HMCN2: variants seen among roughly 807,000 people sequenced by gnomAD.
HMCN2 encodes hemicentin-2.
A neutral mutation model predicts 377.5 loss-of-function variants in HMCN2; 325 were observed. The observed-to-expected ratio is 0.86, with a 90% confidence interval of 0.79 to 0.94. The LOEUF (loss-of-function observed/expected upper bound fraction) is 0.94, where lower values mean the gene tolerates loss of function less well. HMCN2 is among the 40% of genes least tolerant of loss of function. The pLI is 0.00. For missense variants in HMCN2, 4,543 were observed against 4,725.3 expected, an observed-to-expected ratio of 0.96 and a Z score of 1.13; for synonymous variants, 2,007 against 2,046.8, an observed-to-expected ratio of 0.98 and a Z score of 0.53.
chr9:130,271,882 A>G (rs1202028167), intron 1 of HMCN2, among the ~76,000 whole-genome samples: 1 of 149,438 alleles, frequency 6.7e-6, no homozygotes, highest in African/African-American at 2.4e-5. Flanking sequence ...ATCCGTGTCT[A>G]TATTAAGCTA....
In HMCN2 at chr9:130,407,648, TG is replaced by T; in HGVS notation, c.12632del (p.Cys4211SerfsTer18). On this transcript the variant is annotated frameshift_variant, in exon 83 of 98. Transcript: ENST00000683500. LOFTEE classifies it high-confidence loss of function. ...CAGAGAAGACAGCGGGACCTATGTC[TG>T]CTGGGCGGAGAACAGAGTGGGCCGC... ...VSREDSGTYV[C>X]WAENRVGRTQ... 1 of 1,284,268 alleles carries T rather than the reference TG, an allele frequency of 7.8e-7. No individual in the cohort carries two copies. Among genetic ancestry groups the T allele is most frequent in the Non-Finnish European group, 1.0e-6 (1 of 985,150 alleles). 79.6% of individuals were successfully genotyped at this position (1,284,268 alleles called of 1,614,324 possible). A position where few individuals can be genotyped will look rare whatever the true frequency, so the allele number is the denominator to read the frequency against.
At position 130,428,585 on chromosome 9, in the gene HMCN2, G is replaced by A; in HGVS notation, c.14197+96G>A. The A allele has an allele frequency of 1.4e-6, 2 of 1,456,310 alleles. No individual in the cohort carries two copies. The highest frequency in any genetic ancestry group is 4.1e-5 in the Admixed American group (2 of 48,358). 90.2% of individuals were successfully genotyped at this position (1,456,310 alleles called of 1,614,324 possible). ...GGGGGCTGTGTGTCACTGGGCTCTG[G>A]GCTTCCAGGAAGACTGGGACTCTTG... On this transcript the variant is annotated intron_variant, in intron 93 of 97. Coordinates refer to ENST00000683500, the MANE Select transcript of HMCN2 (RefSeq NM_001291815.2). This position sits in a 1 kb window ranked among gnomAD's most constrained non-coding sequence, Gnocchi z 5.0.
At chr9:130,367,437 C>A (rs533651868) in intron 43 of HMCN2, among the ~76,000 whole-genome samples, 69 of 152,190 alleles carry the variant, frequency 4.5e-4, no homozygotes, top group African/African-American at 1.6e-3. Flanking sequence ...TGACCCAGCC[C>A]AGAGGTCTGC....
rs1173130392 is a variant in HMCN2, at chr9:130,360,431, T to C, written c.5777T>C (p.Val1926Ala). Residue 1926 changes from valine (V) to alanine (A), a missense_variant, in exon 38 of 98, where the codon GTC becomes GCC. Physicochemically the swap from Val to Ala is moderately conservative, Grantham distance 64 (BLOSUM62 0). Around this residue, in one of 5 missense-constraint regions of HMCN2, gnomAD observed 1,032 missense variants for 1,285.1 expected, o/e 0.80. Transcript: ENST00000683500. The surrounding 1 kb of genome is among the most constrained non-coding windows in gnomAD (Gnocchi z 4.7). ...CLASGVPPPD[V>A]SWFKGHQPVS... ...GCATCTCTCTTCCTTTCCCCAGATGTCTCCTGGTTCAAGGGCCACCAACCT... is the reference window on the plus strand; with the variant it reads ...GCATCTCTCTTCCTTTCCCCAGATGCCTCCTGGTTCAAGGGCCACCAACCT... 1.5e-6 allele frequency: 2 copies of C among 1,292,294 alleles called. No homozygotes were observed. The highest frequency in any genetic ancestry group is 3.1e-5 in the African/African-American group (2 of 65,310). The allele number at this position is 1,292,294 out of a possible 1,614,324, so 80.1% of individuals were successfully genotyped here.
At chr9:130,400,757 G>A (rs1842825139) in intron 76 of HMCN2, 26 bp from the exon 77 acceptor site, 3 of 1,271,410 alleles carry the variant, frequency 2.4e-6, no homozygotes, top group Admixed American at 2.4e-5. Context: ...CGCCGGCAGG[G>A]CCTCAAGCCT....
chr9:130,310,350 G>A (rs1554938674), intron 15 of HMCN2, among the ~76,000 whole-genome samples: 1 of 152,234 alleles, frequency 6.6e-6, no homozygotes, highest in African/African-American at 2.4e-5. Flanking sequence ...TCTGGCTCAG[G>A]GTCCATCCTG....
At chr9:130,413,606 C>T (rs1427342325) in intron 85 of HMCN2, among the ~76,000 whole-genome samples, 1 of 152,148 alleles carries the variant, frequency 6.6e-6, no homozygotes, top group Admixed American at 6.5e-5. Context: ...GATAGACTAC[C>T]GATCTTGGGA....
chr9:130,269,266 C>CTTTTTTTTTTT (rs56326154), intron 1 of HMCN2, among the ~76,000 whole-genome samples: 1 of 116,558 alleles, frequency 8.6e-6, no homozygotes, highest in Non-Finnish European at 1.9e-5. Context: ...GCCCTGGTTC[C>CTTTTTTTTTTT]TTTTTTTTTT....
chr9:130,290,445 C>T (rs1554929641), intron 4 of HMCN2, among the ~76,000 whole-genome samples: 2 of 152,348 alleles, frequency 1.3e-5, no homozygotes, highest in East Asian at 1.9e-4. Context: ...GACACAGTAG[C>T]GGGTGTCACT....
At chr9:130,323,242 C>T (rs1837945377) in intron 19 of HMCN2, among the ~76,000 whole-genome samples, 1 of 152,202 alleles carries the variant, frequency 6.6e-6, no homozygotes, top group African/African-American at 2.4e-5. Context: ...CTGTGGCGAC[C>T]TGGGAGTCCA....
At chr9:130,376,865 T>G (rs879893332) in intron 52 of HMCN2, among the ~76,000 whole-genome samples, 5 of 152,116 alleles carry the variant, frequency 3.3e-5, no homozygotes, top group African/African-American at 7.2e-5. Context: ...GGTGCAATCT[T>G]GGCTCACTGC....
At chr9:130,336,115 G>A (rs1203998832) in intron 22 of HMCN2, among the ~76,000 whole-genome samples, 3 of 152,022 alleles carry the variant, frequency 2.0e-5, no homozygotes, top group South Asian at 2.1e-4. Flanking sequence ...GAGAGAGAGA[G>A]AAAGGAAGGA....
In HMCN2 at chr9:130,355,071, C is replaced by A. The variant is rs533515100; in HGVS notation, c.5146+27C>A. 18 of 1,244,732 alleles carry A rather than the reference C, an allele frequency of 1.4e-5. No homozygotes were observed. In the East Asian group the frequency reaches 9.7e-4, roughly 67 times the overall value. 77.1% of individuals were successfully genotyped at this position (1,244,732 alleles called of 1,614,324 possible). A position where few individuals can be genotyped will look rare whatever the true frequency, so the allele number is the denominator to read the frequency against. ...TGAGCCCGGCCCACCCCACTCAGAG[C>A]TGCCTGGGCTGTGGACGTCTGCCCA... On this transcript the variant is annotated intron_variant, in intron 32 of 97. Transcript: ENST00000683500.
intron 1 of HMCN2, among the ~76,000 whole-genome samples, chr9:130,278,840 C>G (rs1239748243): frequency 6.6e-6 from 1 of 151,550 alleles, no homozygotes; most frequent in African/African-American, 2.4e-5. Context: ...CTCGGCTTCC[C>G]AAAGTGCTGG....
chr9:130,350,950 G>A (rs1839682260), intron 29 of HMCN2, among the ~76,000 whole-genome samples: 1 of 152,062 alleles, frequency 6.6e-6, no homozygotes, highest in South Asian at 2.1e-4. Flanking sequence ...TACATTTGCA[G>A]CATGGGGCAA....
In HMCN2 at chr9:130,432,470, G is replaced by C; in HGVS notation, c.14809G>C (p.Gly4937Arg). 6.4e-7 allele frequency: 1 copy of C among 1,550,912 alleles called. No individual in the cohort carries two copies. Among genetic ancestry groups the C allele is most frequent in the Non-Finnish European group, 8.7e-7 (1 of 1,147,044 alleles). The stretch of plus-strand genomic sequence containing the variant: ...GGAGGAGAGCATCGAGTGTGGACCC[G>C]GCCAGATGTGCTTCAACACCCGTGG... ...CEEESIECGP[G>R]QMCFNTRGSY... The change falls in exon 97 of 98, where the codon GGC becomes CGC. Residue 4937 changes from glycine to arginine, a missense_variant. Physicochemically the swap from Gly to Arg is moderately radical, Grantham distance 125 (BLOSUM62 -2). Transcript: ENST00000683500.
rs933308870 is a variant in HMCN2, at chr9:130,394,304, G to C, written c.10502-81G>C. The C allele has an allele frequency of 9.7e-6, 9 of 930,434 alleles. No individual in the cohort carries two copies. Among genetic ancestry groups the C allele is most frequent in the Non-Finnish European group, 1.3e-5 (9 of 681,170 alleles). 57.6% of individuals were successfully genotyped at this position (930,434 alleles called of 1,614,324 possible). ...CCAAAATGTGGGAGCAGAGCCCCTG[G>C]ACTCAGCACAGTGTTTTCAAGTGCG... is the stretch of plus-strand genomic sequence containing the variant. On this transcript the variant is annotated intron_variant, in intron 68 of 97. Coordinates refer to ENST00000683500, the MANE Select transcript of HMCN2 (RefSeq NM_001291815.2). The surrounding 1 kb of genome is among the most constrained non-coding windows in gnomAD (Gnocchi z 5.1).
intron 4 of HMCN2, among the ~76,000 whole-genome samples, chr9:130,290,079 C>A (rs570947389): frequency 6.6e-6 from 1 of 152,316 alleles, no homozygotes; most frequent in East Asian, 1.9e-4. Context: ...CAGAGATGAG[C>A]CCCAGTGCAT....
intron 17 of HMCN2, 145 bp from the exon 18 acceptor site, chr9:130,320,631 C>A (rs1398405818): frequency 6.6e-6 from 1 of 152,328 alleles, no homozygotes; most frequent in East Asian, 1.9e-4. Context: ...TGGACAATGT[C>A]CTGGGGGTCC....
Sources: allele counts gnomAD v4.1 joint callset (sites outside exome capture counted in the v4.1 genomes callset), GRCh38; gene constraint gnomAD v4.1.1; regional missense constraint gnomAD v4.1.1; non-coding constraint Gnocchi (gnomAD v3.1); transcripts MANE v1.5; gene names NCBI Gene and HGNC (gene_info 2026-07-23, HGNC 2026-07-21).